Variants in EIF5A2 observed in about 807,000 individuals in gnomAD.
EIF5A2 encodes eukaryotic translation initiation factor 5A2.
EIF5A2 carries 15 observed loss-of-function variants against 16.4 expected under a neutral mutation model. That is an observed-to-expected ratio of 0.92 (90% CI 0.61 to 1.41). EIF5A2 has a LOEUF of 1.41. Among genes scored for constraint, EIF5A2 ranks in the 40% most tolerant of loss-of-function variants. The pLI, the probability that EIF5A2 is intolerant of heterozygous loss-of-function variation, is 0.00. For missense variants in EIF5A2, 144 were observed against 189.5 expected, an observed-to-expected ratio of 0.76 and a Z score of 1.41; for synonymous variants, 48 against 61.1, an observed-to-expected ratio of 0.79 and a Z score of 1.00.
At chr3:170,899,408 T>C (rs1053236581) in intron 3 of EIF5A2, among the ~76,000 whole-genome samples, 3 of 152,032 alleles carry the variant, frequency 2.0e-5, no homozygotes, top group Non-Finnish European at 4.4e-5. Flanking sequence ...ATTTTTTTTA[T>C]TTTTTATTTT....
chr3:170,903,223 A>C (rs1306573599), intron 3 of EIF5A2, among the ~76,000 whole-genome samples: 2 of 152,156 alleles, frequency 1.3e-5, no homozygotes, highest in East Asian at 3.9e-4. Flanking sequence ...CAATTTACAG[A>C]ATGCCTCGTT....
In EIF5A2 at chr3:170,890,387, G is replaced by A. The variant is rs1321549453; in HGVS notation, c.*2973C>T. 6.6e-6 allele frequency: 1 copy of A among 152,090 alleles called. No individual in the cohort carries two copies. The highest frequency in any genetic ancestry group is 1.5e-5 in the Non-Finnish European group (1 of 67,972). The allele number at this position is 152,090 out of a possible 1,614,324, so 9.4% of individuals were successfully genotyped here. A position where few individuals can be genotyped will look rare whatever the true frequency, so the allele number is the denominator to read the frequency against. ...AGATATCATGCTCTGATGCAGGAGA[G>A]TTTTGGTAATTAACATAAAGCGCTG... On this transcript the variant is annotated 3_prime_UTR_variant, in exon 5 of 5. Coordinates refer to ENST00000295822, the MANE Select transcript of EIF5A2 (RefSeq NM_020390.6).
At chr3:170,906,877 G>T in intron 3 of EIF5A2, 112 bp downstream of exon 3, 1 of 578,358 alleles carries the variant, frequency 1.7e-6, no homozygotes, top group Non-Finnish European at 2.8e-6. Flanking sequence ...CCTAATAATT[G>T]GTTAGAAAAA....
At chr3:170,901,388 T>C (rs1712810976) in intron 3 of EIF5A2, among the ~76,000 whole-genome samples, 2 of 152,082 alleles carry the variant, frequency 1.3e-5, no homozygotes, top group Non-Finnish European at 1.5e-5. Context: ...AAGCAAAACA[T>C]GATCTAAAAG....
At chr3:170,895,795 A>G (rs1388106327) in intron 3 of EIF5A2, among the ~76,000 whole-genome samples, 2 of 152,212 alleles carry the variant, frequency 1.3e-5, no homozygotes, top group African/African-American at 4.8e-5. Context: ...GGTGGCTGGT[A>G]GAGAAGTGGG....
At chr3:170,902,579 T>C (rs540972757) in intron 3 of EIF5A2, among the ~76,000 whole-genome samples, 192 of 151,084 alleles carry the variant, frequency 1.3e-3, no homozygotes, top group South Asian at 5.1e-3. Flanking sequence ...AATTTTTGTA[T>C]TTTTTGTAGA....
At chr3:170,906,034 A>C (rs1394899896) in intron 3 of EIF5A2, among the ~76,000 whole-genome samples, 1 of 152,198 alleles carries the variant, frequency 6.6e-6, no homozygotes, top group Non-Finnish European at 1.5e-5. Context: ...GCATGTGGAC[A>C]AACAGCAAAA....
In EIF5A2 at chr3:170,905,518, G is replaced by A. The variant is rs78020448; in HGVS notation, c.270+1471C>T. ...AGTCAAAGCTTTCATACTTTAAGACGAAAAGAGAAACCCAATTTTGACAAC... is the reference window on the plus strand; with the variant it reads ...AGTCAAAGCTTTCATACTTTAAGACAAAAAGAGAAACCCAATTTTGACAAC... On this transcript the variant is annotated intron_variant, in intron 3 of 4. Coordinates refer to ENST00000295822, the MANE Select transcript of EIF5A2 (RefSeq NM_020390.6). Among the ~76,000 whole-genome samples, 136 of 152,266 alleles carry A rather than the reference G, an allele frequency of 8.9e-4. 4 individuals carry two copies. In the East Asian group the frequency reaches 0.023, roughly 26 times the overall value.
At chr3:170,908,043 C>T (rs1425044755) in intron 1 of EIF5A2, among the ~76,000 whole-genome samples, 1 of 152,190 alleles carries the variant, frequency 6.6e-6, no homozygotes, top group Non-Finnish European at 1.5e-5. Context: ...GATGAGAAGT[C>T]GCAGAGGAGC....
intron 3 of EIF5A2, among the ~76,000 whole-genome samples, chr3:170,899,253 C>A (rs572447556): frequency 6.6e-6 from 1 of 151,738 alleles, no homozygotes; most frequent in East Asian, 1.9e-4. Context: ...TTTCTGAGAC[C>A]AGGTCTTGCT....
At chr3:170,895,995 A>T (rs1448017202) in intron 3 of EIF5A2, among the ~76,000 whole-genome samples, 1 of 152,192 alleles carries the variant, frequency 6.6e-6, no homozygotes, top group Non-Finnish European at 1.5e-5. Flanking sequence ...TTTTTAAACA[A>T]CCACAACATT....
At position 170,892,190 on chromosome 3, in the gene EIF5A2, G is replaced by T. The variant is rs1158373365; in HGVS notation, c.*1170C>A. On this transcript the variant is annotated 3_prime_UTR_variant, in exon 5 of 5. Transcript: ENST00000295822. ...GCCTGTAATCCCAGCACTTTGGGAG[G>T]CTGAGGCAGGTGGATCACCTGAGGT... is the stretch of plus-strand genomic sequence containing the variant. 6.6e-6 allele frequency: 1 copy of T among 152,564 alleles called. No individual in the cohort carries two copies. Among genetic ancestry groups the T allele is most frequent in the East Asian group, 1.9e-4 (1 of 5,200 alleles). 9.5% of individuals were successfully genotyped at this position (152,564 alleles called of 1,614,324 possible).
chr3:170,894,740 T>C (rs1193947953), intron 3 of EIF5A2, among the ~76,000 whole-genome samples: 1 of 150,312 alleles, frequency 6.7e-6, no homozygotes, highest in African/African-American at 2.4e-5. Flanking sequence ...CAAAATGGGA[T>C]ATTGGGCCAA....
intron 3 of EIF5A2, among the ~76,000 whole-genome samples, chr3:170,900,940 A>G (rs1165620724): frequency 1.3e-5 from 2 of 152,232 alleles, no homozygotes; most frequent in African/African-American, 2.4e-5. Context: ...ATATCTGATA[A>G]TATCACAAAA....
Position 170,893,111 on chromosome 3 carries a change from T to C in EIF5A2, c.*249A>G, listed in dbSNP as rs187430565. On this transcript the variant is annotated 3_prime_UTR_variant, in exon 5 of 5. Coordinates refer to ENST00000295822, the MANE Select transcript of EIF5A2 (RefSeq NM_020390.6). ...TGCTGAAGCTATCTTGTTTGTTTCT[T>C]GGACTGACATACTGAAAACCACAGG... 206 of 446,202 alleles carry C rather than the reference T, an allele frequency of 4.6e-4. 1 individual carries two copies. The highest frequency in any genetic ancestry group is 3.7e-3 in the African/African-American group (184 of 49,300). 27.6% of individuals were successfully genotyped at this position (446,202 alleles called of 1,614,324 possible).
At chr3:170,906,021 T>A (rs1022977662) in intron 3 of EIF5A2, among the ~76,000 whole-genome samples, 8 of 152,194 alleles carry the variant, frequency 5.3e-5, no homozygotes, top group East Asian at 1.9e-4. Context: ...AAAAAGTATG[T>A]TTGCATGTGG....
intron 1 of EIF5A2, among the ~76,000 whole-genome samples, chr3:170,908,231 C>A (rs1248660118): frequency 1.3e-5 from 2 of 152,190 alleles, no homozygotes; most frequent in African/African-American, 4.8e-5. Flanking sequence ...GCGAAGGATG[C>A]GGGGTAACAG....
rs1249780814 is a variant in EIF5A2 at position 170,889,046 on chromosome 3, G to GTATT, written c.*4313_*4314insAATA. ...GGACTTCATATAAATACAATAACCT[G>GTATT]TCTTTTTTTTTTTTTTTTTTTTTTT... On this transcript the variant is annotated 3_prime_UTR_variant, in exon 5 of 5. Coordinates refer to ENST00000295822, the MANE Select transcript of EIF5A2 (RefSeq NM_020390.6). 1 of 25,874 alleles carries GTATT rather than the reference G, an allele frequency of 3.9e-5. No homozygotes were observed. The highest frequency in any genetic ancestry group is 5.2e-4 in the Admixed American group (1 of 1,926). 1.6% of individuals were successfully genotyped at this position (25,874 alleles called of 1,614,324 possible).
At chr3:170,893,998 T>C (rs1712602790) in intron 4 of EIF5A2, among the ~76,000 whole-genome samples, 1 of 149,826 alleles carries the variant, frequency 6.7e-6, no homozygotes, top group African/African-American at 2.5e-5. Context: ...GCCACTGCAC[T>C]CCAGCCTGGG....
Sources: allele counts gnomAD v4.1 joint callset (sites outside exome capture counted in the v4.1 genomes callset), GRCh38; gene constraint gnomAD v4.1.1; transcripts MANE v1.5; gene names NCBI Gene and HGNC (gene_info 2026-07-23, HGNC 2026-07-21).